Variants in MACROD2 observed in about 807,000 individuals in gnomAD.
MACROD2 encodes mono-ADP ribosylhydrolase 2.
A neutral mutation model predicts 70.4 loss-of-function variants in MACROD2; 36 were observed. The observed-to-expected ratio is 0.51, with a 90% CI of 0.39 to 0.68. MACROD2 has a LOEUF of 0.68. Among genes scored for constraint, MACROD2 ranks in the 30% least tolerant of loss-of-function variants. MACROD2 has a pLI of 0.00. For synonymous variants in MACROD2, 172 were observed against 178.8 expected (o/e 0.96, Z 0.30); for missense variants, 496 against 538.4 (o/e 0.92, Z 0.78).
At chr20:15,597,415 C>T (rs934152485) in intron 8 of MACROD2, among the ~76,000 whole-genome samples, 1 of 152,200 alleles carries the variant, frequency 6.6e-6, no homozygotes, top group African/African-American at 2.4e-5. Flanking sequence ...GTGGTACACA[C>T]AGACCAGAAA....
Position 15,048,547 on chromosome 20 carries a change from C to T in MACROD2, c.419-181393C>T, listed in dbSNP as rs539429058. Among the ~76,000 whole-genome samples, 10 of 151,508 alleles carry T rather than the reference C, an allele frequency of 6.6e-5. No homozygotes were observed. In the South Asian group the frequency reaches 1.0e-3, roughly 16 times the overall value. On this transcript the variant is annotated intron_variant, in intron 5 of 17. Coordinates refer to ENST00000684519, the MANE Select transcript of MACROD2 (RefSeq NM_001351661.2). ...CAGATTAGATAATGATGTATGTGAA[C>T]GTGTTACACAAATAAATATACATAC...
At chr20:15,156,011 C>A (rs1473299156) in intron 5 of MACROD2, among the ~76,000 whole-genome samples, 1 of 152,122 alleles carries the variant, frequency 6.6e-6, no homozygotes, top group Non-Finnish European at 1.5e-5. Context: ...TTCCTTTACC[C>A]TTAGGTGGTA....
chr20:14,735,461 A>G (rs1165716989), intron 5 of MACROD2, among the ~76,000 whole-genome samples: 5 of 152,160 alleles, frequency 3.3e-5, no homozygotes, highest in Admixed American at 3.3e-4. Context: ...CACCCCTGAT[A>G]ATGGCAAATA....
At chr20:14,158,601 G>A (rs1439889642) in intron 3 of MACROD2, among the ~76,000 whole-genome samples, 3 of 149,732 alleles carry the variant, frequency 2.0e-5, no homozygotes, top group Non-Finnish European at 2.9e-5. Context: ...TAAGAGATAG[G>A]GGTCCAGTTT....
intron 6 of MACROD2, among the ~76,000 whole-genome samples, chr20:15,291,420 A>T (rs1442848872): frequency 1.3e-5 from 2 of 152,242 alleles, no homozygotes; most frequent in Non-Finnish European, 2.9e-5. Context: ...TAAACAGCAG[A>T]TATTATCCAT....
intron 5 of MACROD2, among the ~76,000 whole-genome samples, chr20:15,030,489 A>G (rs543412755): frequency 2.0e-5 from 3 of 152,286 alleles, no homozygotes; most frequent in Non-Finnish European, 2.9e-5. Context: ...TGTCCCAGAA[A>G]TGCACAGCAG....
intron 3 of MACROD2, among the ~76,000 whole-genome samples, chr20:14,234,453 G>T (rs1200449857): frequency 6.6e-6 from 1 of 151,930 alleles, no homozygotes; most frequent in African/African-American, 2.4e-5. Context: ...TTATTTTCCT[G>T]TAAGTACATA....
chr20:16,008,799 G>A (rs1004959855), intron 15 of MACROD2, among the ~76,000 whole-genome samples: 2 of 152,150 alleles, frequency 1.3e-5, no homozygotes, highest in South Asian at 2.1e-4. Context: ...TGTGATGAAC[G>A]GTGAGAAACC....
intron 8 of MACROD2, among the ~76,000 whole-genome samples, chr20:15,808,977 C>G (rs2063793933): frequency 6.6e-6 from 1 of 152,120 alleles, no homozygotes; most frequent in African/African-American, 2.4e-5. Flanking sequence ...AGCATATGTC[C>G]TCTACTTCCA....
intron 5 of MACROD2, among the ~76,000 whole-genome samples, chr20:14,742,306 GA>G (rs1298034987): frequency 6.6e-6 from 1 of 152,090 alleles, no homozygotes; most frequent in Non-Finnish European, 1.5e-5. Context: ...CCTAATCTGA[GA>G]AACAGAGCTT....
intron 7 of MACROD2, among the ~76,000 whole-genome samples, chr20:15,435,371 C>G (rs1193894180): frequency 6.6e-6 from 1 of 151,942 alleles, no homozygotes; most frequent in East Asian, 1.9e-4. Context: ...TTATTTGTTC[C>G]ACACACAATG....
At chr20:14,380,865 A>G (rs1012717187) in intron 3 of MACROD2, among the ~76,000 whole-genome samples, 2 of 152,120 alleles carry the variant, frequency 1.3e-5, no homozygotes, top group African/African-American at 4.8e-5. Context: ...GTTCTTTTTC[A>G]AAACTGTTTT....
intron 3 of MACROD2, among the ~76,000 whole-genome samples, chr20:14,175,011 TCTGGGCAC>T (rs1162651710): frequency 3.9e-5 from 6 of 152,186 alleles, no homozygotes; most frequent in African/African-American, 7.2e-5. Context: ...ACTTTCACAC[TCTGGGCAC>T]TAGCAGTTTT....
intron 5 of MACROD2, among the ~76,000 whole-genome samples, chr20:15,042,205 C>A (rs1323499899): frequency 6.6e-6 from 1 of 152,004 alleles, no homozygotes; most frequent in East Asian, 1.9e-4. Context: ...AACAGACCTT[C>A]CAGAGAATTT....
At chr20:15,807,690 A>G (rs2063781595) in intron 8 of MACROD2, among the ~76,000 whole-genome samples, 1 of 152,184 alleles carries the variant, frequency 6.6e-6, no homozygotes, top group African/African-American at 2.4e-5. Flanking sequence ...GAGTTAAATA[A>G]ATATAAAATT....
At chr20:14,055,232 G>A (rs568940442) in intron 2 of MACROD2, among the ~76,000 whole-genome samples, 1 of 152,196 alleles carries the variant, frequency 6.6e-6, no homozygotes, top group Admixed American at 6.5e-5. Flanking sequence ...ATTCTAAAAA[G>A]TACTTACAAA....
chr20:14,827,346 C>A (rs780151001), intron 5 of MACROD2, among the ~76,000 whole-genome samples: 2 of 152,112 alleles, frequency 1.3e-5, no homozygotes, highest in Non-Finnish European at 2.9e-5. Context: ...ACGATTTGAG[C>A]AAATTATTTT....
At chr20:14,278,366 G>A (rs2082276678) in intron 3 of MACROD2, among the ~76,000 whole-genome samples, 1 of 152,294 alleles carries the variant, frequency 6.6e-6, no homozygotes, top group South Asian at 2.1e-4. Flanking sequence ...ATGTAGCTGG[G>A]CAGTGGTGAG....
At chr20:14,296,646 A>G (rs1403406797) in intron 3 of MACROD2, among the ~76,000 whole-genome samples, 1 of 152,016 alleles carries the variant, frequency 6.6e-6, no homozygotes, top group Non-Finnish European at 1.5e-5. Context: ...CTATTAAGCA[A>G]AGCAAGTAAA....
Sources: gnomAD v4.1 joint callset for allele counts (sites outside exome capture counted in the v4.1 genomes callset) on GRCh38, gnomAD v4.1.1 for gene constraint, MANE v1.5 for transcripts, NCBI Gene and HGNC (gene_info 2026-07-23, HGNC 2026-07-21) for gene names.